Variants in PLCB1 observed in about 807,000 individuals in gnomAD.
PLCB1 encodes phospholipase C beta 1.
In PLCB1, 46 loss-of-function variants were observed where a neutral mutation model predicts 161.8. The observed-to-expected ratio is 0.28, with a 90% confidence interval of 0.22 to 0.36. The LOEUF is 0.36. Among genes scored for constraint, PLCB1 ranks in the 10% least tolerant of loss-of-function variants. The pLI is 1.00. For missense variants in PLCB1, 1,016 were observed against 1,472.5 expected (o/e 0.69, Z 5.07); for synonymous variants, 517 against 503.7 (o/e 1.03, Z -0.35).
chr20:8,481,567 G>GC (rs1468400066), intron 3 of PLCB1, among the ~76,000 whole-genome samples: 3 of 152,116 alleles, frequency 2.0e-5, no homozygotes, highest in Admixed American at 6.5e-5. Flanking sequence ...TTCTGCCTTG[G>GC]CTGTATATTT....
At chr20:8,579,656 A>T (rs557878726) in intron 3 of PLCB1, among the ~76,000 whole-genome samples, 34 of 152,364 alleles carry the variant, frequency 2.2e-4, no homozygotes, top group Non-Finnish European at 3.8e-4. Context: ...ATCAAATTAA[A>T]TTAAAAATAC....
At chr20:8,835,262 T>C (rs1164283811) in intron 31 of PLCB1, among the ~76,000 whole-genome samples, 1 of 152,074 alleles carries the variant, frequency 6.6e-6, no homozygotes, top group Admixed American at 6.5e-5. Context: ...CCACAGGAGA[T>C]GAGTAGCAGA....
At chr20:8,366,024 A>G (rs1033495977) in intron 2 of PLCB1, among the ~76,000 whole-genome samples, 9 of 151,984 alleles carry the variant, frequency 5.9e-5, no homozygotes, top group Admixed American at 3.9e-4. Context: ...ATGGATTGAA[A>G]TCTCTCTGCT....
chr20:8,358,505 C>G (rs1986436771), intron 2 of PLCB1, among the ~76,000 whole-genome samples: 1 of 152,136 alleles, frequency 6.6e-6, no homozygotes, highest in Non-Finnish European at 1.5e-5. Context: ...CCCACCTTGG[C>G]CTCCCCAAGT....
At chr20:8,193,526 G>T (rs1204162787) in intron 2 of PLCB1, among the ~76,000 whole-genome samples, 2 of 151,974 alleles carry the variant, frequency 1.3e-5, no homozygotes, top group Non-Finnish European at 1.5e-5. Flanking sequence ...TTTGCATAAA[G>T]GAACTAGAAG....
intron 3 of PLCB1, among the ~76,000 whole-genome samples, chr20:8,533,755 T>C (rs1284287950): frequency 6.6e-6 from 1 of 151,958 alleles, no homozygotes; most frequent in Non-Finnish European, 1.5e-5. Flanking sequence ...TTGTAGATTC[T>C]GGATATTAGC....
At chr20:8,881,601 T>G in intron 31 of PLCB1, 21 bp from the exon 32 acceptor site, 1 of 1,579,278 alleles carries the variant, frequency 6.3e-7, no homozygotes, top group South Asian at 1.1e-5. Context: ...TCAAGTCATC[T>G]CCCCTCTTGA....
intron 9 of PLCB1, among the ~76,000 whole-genome samples, chr20:8,681,114 A>T (rs1012206291): frequency 0.011 from 1,191 of 112,962 alleles, 41 homozygotes; most frequent in Middle Eastern, 0.017. Context: ...ATATATATAT[A>T]TATATAATAT....
intron 4 of PLCB1, among the ~76,000 whole-genome samples, chr20:8,638,494 A>G (rs771038687): frequency 6.6e-6 from 1 of 152,148 alleles, no homozygotes; most frequent in Non-Finnish European, 1.5e-5. Context: ...GAAAAACATT[A>G]TACACGCACA....
intron 3 of PLCB1, among the ~76,000 whole-genome samples, chr20:8,519,565 T>G (rs1568491612): frequency 6.6e-6 from 1 of 152,102 alleles, no homozygotes. Flanking sequence ...TTCTTAGGGA[T>G]CAGAATATTT....
At chr20:8,520,434 AT>A (rs377442783) in intron 3 of PLCB1, among the ~76,000 whole-genome samples, 86 of 151,634 alleles carry the variant, frequency 5.7e-4, no homozygotes, top group Middle Eastern at 3.4e-3. Flanking sequence ...TGGCCAACTG[AT>A]TTTTTTTTCT....
At chr20:8,613,610 C>G (rs781734355) in intron 3 of PLCB1, among the ~76,000 whole-genome samples, 37 of 152,128 alleles carry the variant, frequency 2.4e-4, no homozygotes, top group Non-Finnish European at 4.9e-4. Flanking sequence ...TGAAAAGAAA[C>G]TATCAGCACA....
intron 3 of PLCB1, among the ~76,000 whole-genome samples, chr20:8,534,046 G>C (rs1317690495): frequency 6.6e-6 from 1 of 152,116 alleles, no homozygotes; most frequent in Non-Finnish European, 1.5e-5. Flanking sequence ...TTTGTATAAG[G>C]TGTAAGGAAG....
intron 4 of PLCB1, among the ~76,000 whole-genome samples, chr20:8,628,825 T>C (rs1229368181): frequency 3.3e-5 from 5 of 151,900 alleles, no homozygotes; most frequent in African/African-American, 9.7e-5. Context: ...TCCCAGCTAA[T>C]TGGGAGGCTA....
intron 3 of PLCB1, among the ~76,000 whole-genome samples, chr20:8,484,687 C>T (rs1982648960): frequency 1.3e-5 from 2 of 152,206 alleles, no homozygotes; most frequent in Admixed American, 1.3e-4. Flanking sequence ...TGAGATATCA[C>T]TCTTCCAGAG....
chr20:8,401,690 A>T (rs1025906744), intron 3 of PLCB1, among the ~76,000 whole-genome samples: 3 of 152,220 alleles, frequency 2.0e-5, no homozygotes, highest in African/African-American at 7.2e-5. Context: ...GAGCTCAACC[A>T]TCTCAGCAAG....
intron 2 of PLCB1, among the ~76,000 whole-genome samples, chr20:8,327,752 T>C (rs779360054): frequency 4.6e-5 from 7 of 152,212 alleles, no homozygotes; most frequent in Non-Finnish European, 1.0e-4. Flanking sequence ...GGTAGTTTTC[T>C]GAGGGTTTTC....
intron 2 of PLCB1, among the ~76,000 whole-genome samples, chr20:8,352,751 T>C (rs978803158): frequency 1.6e-4 from 25 of 152,212 alleles, no homozygotes; most frequent in Admixed American, 1.2e-3. Context: ...AGTATTCTTA[T>C]ATACTGGAAT....
At chr20:8,826,472 G>T (rs1352965915) in intron 31 of PLCB1, among the ~76,000 whole-genome samples, 11 of 149,806 alleles carry the variant, frequency 7.3e-5, no homozygotes, top group Admixed American at 5.3e-4. Flanking sequence ...CTCCAGCCTG[G>T]GCAACAGAGC....
Sources: gnomAD v4.1 joint callset for allele counts (sites outside exome capture counted in the v4.1 genomes callset) on GRCh38, gnomAD v4.1.1 for gene constraint, MANE v1.5 for transcripts, NCBI Gene and HGNC (gene_info 2026-07-23, HGNC 2026-07-21) for gene names.